Variants in EYS observed in about 807,000 individuals in gnomAD.
EYS encodes the protein protein eyes shut homolog.
In EYS, 250 loss-of-function variants were observed where a neutral mutation model predicts 282.1. The observed-to-expected ratio is 0.89, with a 90% CI of 0.80 to 0.98. EYS has a LOEUF of 0.98. EYS is among the 50% of genes least tolerant of loss of function. The probability of loss-of-function intolerance (pLI) is 0.00; values close to 1 mark genes in which losing one functional copy is unlikely to be tolerated. For missense variants in EYS, 4,016 were observed against 3,709.0 expected (o/e 1.08, Z -2.15); for synonymous variants, 1,355 against 1,282.9 (o/e 1.06, Z -1.20).
At chr6:63,985,231 A>C (rs148526361) in intron 34 of EYS, among the ~76,000 whole-genome samples, 3,960 of 151,836 alleles carry the variant, frequency 0.026, 72 homozygotes, top group Non-Finnish European at 0.043. Flanking sequence ...GAATATTGCC[A>C]TGTGAACAAA....
Position 65,132,095 on chromosome 6 carries a change from A to T in EYS, c.2024-74368T>A, listed in dbSNP as rs115021491. On this transcript the variant is annotated intron_variant, in intron 12 of 42. Coordinates refer to ENST00000503581, the MANE Select transcript of EYS (RefSeq NM_001142800.2). ...TAATAAATGCCCTGTCAACCAAAAA[A>T]ATTCCAGTGCCAGATGGATTTACAG... 6.7e-3 allele frequency among the ~76,000 whole-genome samples: 1,012 copies of T among 152,110 alleles called. 6 individuals carry two copies. The highest frequency in any genetic ancestry group is 0.022 in the African/African-American group (918 of 41,558).
chr6:63,728,250 C>A (rs560423537), intron 41 of EYS, among the ~76,000 whole-genome samples: 1 of 152,192 alleles, frequency 6.6e-6, no homozygotes, highest in African/African-American at 2.4e-5. Context: ...AATACACATA[C>A]AATTAACATA....
intron 12 of EYS, among the ~76,000 whole-genome samples, chr6:65,216,094 G>T (rs1766305802): frequency 6.6e-6 from 1 of 152,078 alleles, no homozygotes; most frequent in African/African-American, 2.4e-5. Context: ...TACATATAAA[G>T]TGTTCTAATT....
At chr6:63,750,781 C>T (rs1456051615) in intron 41 of EYS, among the ~76,000 whole-genome samples, 2 of 152,192 alleles carry the variant, frequency 1.3e-5, no homozygotes, top group Admixed American at 6.5e-5. Flanking sequence ...CTTTGTCTTA[C>T]AATAGCCTTA....
chr6:63,810,065 C>G (rs1172683222), intron 36 of EYS, among the ~76,000 whole-genome samples: 2 of 149,470 alleles, frequency 1.3e-5, no homozygotes, highest in East Asian at 3.9e-4. Context: ...CACCGTGAAA[C>G]CCCGCCTCTA....
chr6:64,990,863 C>T (rs998430317), intron 14 of EYS, among the ~76,000 whole-genome samples: 1 of 151,552 alleles, frequency 6.6e-6, no homozygotes, highest in African/African-American at 2.4e-5. Flanking sequence ...GGTGAATCAA[C>T]AAGTCTTTTT....
At chr6:64,595,691 A>T (rs551315484) in intron 24 of EYS, among the ~76,000 whole-genome samples, 15 of 152,294 alleles carry the variant, frequency 9.8e-5, no homozygotes, top group African/African-American at 3.6e-4. Flanking sequence ...CAGTCACAAT[A>T]GCCTCACAAA....
intron 12 of EYS, among the ~76,000 whole-genome samples, chr6:65,289,763 A>G (rs1255397276): frequency 2.0e-5 from 3 of 151,156 alleles, no homozygotes; most frequent in Admixed American, 1.3e-4. Flanking sequence ...TTCTCAGCAC[A>G]CTTCCTTTCA....
intron 22 of EYS, among the ~76,000 whole-genome samples, chr6:64,738,053 C>T (rs1772241880): frequency 1.9e-5 from 1 of 52,708 alleles, no homozygotes; most frequent in South Asian, 8.8e-4. Flanking sequence ...TGTGTACTAT[C>T]GAGAATGAAA....
intron 35 of EYS, among the ~76,000 whole-genome samples, chr6:63,932,568 T>A (rs937731989): frequency 5.9e-5 from 9 of 152,242 alleles, no homozygotes; most frequent in African/African-American, 2.2e-4. Flanking sequence ...TTTGATGTTC[T>A]TTCTTCTTCT....
chr6:64,052,043 G>C (rs1172983056), intron 33 of EYS, among the ~76,000 whole-genome samples: 1 of 152,062 alleles, frequency 6.6e-6, no homozygotes, highest in Non-Finnish European at 1.5e-5. Context: ...AGAAAAATGA[G>C]GGGATTGAAC....
chr6:64,545,286 T>C (rs1764819470), intron 26 of EYS, among the ~76,000 whole-genome samples: 2 of 152,110 alleles, frequency 1.3e-5, no homozygotes, highest in Non-Finnish European at 1.5e-5. Flanking sequence ...ATTATCTCAA[T>C]AGATGCAGAA....
At chr6:65,225,721 G>GAAA (rs201575014) in intron 12 of EYS, among the ~76,000 whole-genome samples, 2 of 95,358 alleles carry the variant, frequency 2.1e-5, no homozygotes, top group African/African-American at 8.4e-5. Context: ...CATCAAAAAA[G>GAAA]AAAAAAAAAA....
intron 35 of EYS, among the ~76,000 whole-genome samples, chr6:63,978,725 A>C (rs768672664): frequency 3.3e-5 from 5 of 151,860 alleles, no homozygotes; most frequent in Admixed American, 6.6e-5. Context: ...AAAAGCTAAG[A>C]CCTGATATCC....
At chr6:65,328,479 T>G (rs1769685430) in intron 11 of EYS, among the ~76,000 whole-genome samples, 1 of 151,394 alleles carries the variant, frequency 6.6e-6, no homozygotes, top group African/African-American at 2.4e-5. Flanking sequence ...ACATCAATTT[T>G]GCTAAAATAT....
At chr6:64,380,235 G>C (rs1394257560) in intron 29 of EYS, among the ~76,000 whole-genome samples, 1 of 152,040 alleles carries the variant, frequency 6.6e-6, no homozygotes, top group Admixed American at 6.6e-5. Context: ...CTATATGCTT[G>C]AAACAACAAC....
intron 31 of EYS, among the ~76,000 whole-genome samples, chr6:64,227,503 T>C (rs1766287040): frequency 6.6e-6 from 1 of 152,070 alleles, no homozygotes; most frequent in African/African-American, 2.4e-5. Flanking sequence ...TCAGCCAAGA[T>C]TACTTCTAAT....
chr6:65,145,333 G>T (rs1012560080), intron 12 of EYS, among the ~76,000 whole-genome samples: 5 of 151,642 alleles, frequency 3.3e-5, no homozygotes, highest in African/African-American at 1.2e-4. Context: ...ATTATATATA[G>T]GTATTTTCCC....
intron 36 of EYS, among the ~76,000 whole-genome samples, chr6:63,810,439 A>C (rs1771019043): frequency 6.6e-6 from 1 of 152,038 alleles, no homozygotes; most frequent in Non-Finnish European, 1.5e-5. Flanking sequence ...ATTTCAGAAC[A>C]CCTTTCTTCA....
Sources: gnomAD v4.1 joint callset for allele counts (sites outside exome capture counted in the v4.1 genomes callset) on GRCh38, gnomAD v4.1.1 for gene constraint, MANE v1.5 for transcripts, NCBI Gene and HGNC (gene_info 2026-07-23, HGNC 2026-07-21) for gene names.